The following IQCH variants were observed in gnomAD, a reference collection of about 807,000 sequenced individuals.
IQCH encodes IQ domain-containing protein H.
IQCH carries 98 observed loss-of-function variants against 117.0 expected under a neutral mutation model. The observed-to-expected ratio is 0.84, with a 90% confidence interval of 0.71 to 0.99. IQCH has a LOEUF of 0.99. Among genes scored for constraint, IQCH ranks in the 50% least tolerant of loss-of-function variants. IQCH has a pLI of 0.00. For synonymous variants in IQCH, 412 were observed against 448.2 expected (o/e 0.92, Z 1.02); for missense variants, 1,102 against 1,243.8 (o/e 0.89, Z 1.72).
chr15:67,346,509 C>T (rs1246916133), intron 6 of IQCH, among the ~76,000 whole-genome samples: 3 of 152,176 alleles, frequency 2.0e-5, no homozygotes, highest in African/African-American at 2.4e-5. Flanking sequence ...GTGCAGTTCA[C>T]AATAGGGTTC....
intron 1 of IQCH, among the ~76,000 whole-genome samples, chr15:67,256,536 T>C (rs935156148): frequency 1.3e-5 from 2 of 152,216 alleles, no homozygotes; most frequent in African/African-American, 4.8e-5. Flanking sequence ...AAGACACTTC[T>C]ATCAGGCAGG....
intron 4 of IQCH, among the ~76,000 whole-genome samples, chr15:67,326,361 T>A (rs191060400): frequency 6.6e-6 from 1 of 152,358 alleles, no homozygotes; most frequent in African/African-American, 2.4e-5. Context: ...TAATCCAGTC[T>A]ATCATTGATG....
In IQCH at chr15:67,447,722, C is replaced by T. The variant is rs541535784; in HGVS notation, c.2506-17405C>T. Among the ~76,000 whole-genome samples, 68 of 152,136 alleles carry T rather than the reference C, an allele frequency of 4.5e-4. No homozygotes were observed. Among genetic ancestry groups the T allele is most frequent in the Non-Finnish European group, 8.5e-4 (58 of 68,014 alleles). ...CTGAGCCACCGGCCCACTACCTGAG[C>T]AGCCCCTTCTCTTCTGGGTTTGACC... is the stretch of plus-strand genomic sequence containing the variant. On this transcript the variant is annotated intron_variant, in intron 16 of 20. Transcript: ENST00000335894. This position sits in a 1 kb window ranked among gnomAD's most constrained non-coding sequence, Gnocchi z 5.3.
At chr15:67,337,259 T>C (rs1262610150) in intron 5 of IQCH, among the ~76,000 whole-genome samples, 164 bp downstream of exon 5, 1 of 152,148 alleles carries the variant, frequency 6.6e-6, no homozygotes, top group Non-Finnish European at 1.5e-5. Flanking sequence ...GCTCTGTAAA[T>C]TAAAAGGTTG....
At chr15:67,487,323 ACT>A (rs1438340365) in intron 18 of IQCH, among the ~76,000 whole-genome samples, 5 of 151,776 alleles carry the variant, frequency 3.3e-5, no homozygotes, top group Admixed American at 6.6e-5. Flanking sequence ...ACCGAGTGAG[ACT>A]CTGTCTCAAA....
chr15:67,438,487 C>T (rs1044409446), intron 16 of IQCH, among the ~76,000 whole-genome samples: 2 of 152,122 alleles, frequency 1.3e-5, no homozygotes, highest in African/African-American at 2.4e-5. Context: ...AACAAAAATA[C>T]AAGTTAAAAA....
chr15:67,350,718 G>T (rs2140712163), intron 6 of IQCH, among the ~76,000 whole-genome samples: 1 of 152,296 alleles, frequency 6.6e-6, no homozygotes, highest in Non-Finnish European at 1.5e-5. Context: ...GAGCCACCGT[G>T]CCTAGCCTGG....
chr15:67,475,509 G>A lies in IQCH; in HGVS notation c.2677-187G>A, dbSNP rs1170368254. ...TAAAATAAAAATAAAAAGTAATGTA[G>A]CAATTTGTTCCCTTAGTTGTGACAA... On this transcript the variant is annotated intron_variant, in intron 17 of 20. Transcript: ENST00000335894. The surrounding 1 kb of genome is among the most constrained non-coding windows in gnomAD (Gnocchi z 5.7). Among the ~76,000 whole-genome samples, 2 of 152,092 alleles carry A rather than the reference G, an allele frequency of 1.3e-5. No homozygotes were observed. Among genetic ancestry groups the A allele is most frequent in the African/African-American group, 2.4e-5 (1 of 41,408 alleles).
In IQCH at chr15:67,261,284, C is replaced by T. The variant is rs1277548325; in HGVS notation, c.64C>T (p.Leu22Phe). ...GSILIQIHEDLYQLKEKLTKF... is the reference protein window; with the variant it reads ...GSILIQIHEDFYQLKEKLTKF... ...TTTATACCTATAGATCCATGAAGAC[C>T]TTTATCAGTTAAAGGAGAAATTAAC... Residue 22 changes from leucine to phenylalanine, a missense_variant, in exon 2 of 21, where the codon CTT (leucine) becomes TTT (phenylalanine). Transcript: ENST00000335894. 6.5e-7 allele frequency: 1 copy of T among 1,544,264 alleles called. No homozygotes were observed. The highest frequency in any genetic ancestry group is 1.2e-5 in the South Asian group (1 of 83,342).
intron 1 of IQCH, chr15:67,255,233 C>G: frequency 2.0e-6 from 1 of 505,422 alleles, no homozygotes; most frequent in Non-Finnish European, 3.6e-6. Context: ...TAACCTCACG[C>G]TGAGGCATCA....
In IQCH at chr15:67,495,416, T is replaced by C. The variant is rs148695330; in HGVS notation, c.2970+1050T>C. 3.2e-3 allele frequency among the ~76,000 whole-genome samples: 494 copies of C among 152,346 alleles called. 3 individuals are homozygous for C. The highest frequency in any genetic ancestry group is 5.0e-3 in the Non-Finnish European group (343 of 68,022). The stretch of plus-strand genomic sequence containing the variant: ...GGATATCTCACTGTCTTGCCTAGGC[T>C]GGTCTCAAGCTCCTGAGCTCAAGGG... On this transcript the variant is annotated intron_variant, in intron 20 of 20. Transcript: ENST00000335894.
Position 67,500,745 on chromosome 15 carries a change from G to T in IQCH, c.3083G>T (p.Ter1028LeuextTer15). Residue 1028 changes from the stop codon to leucine (L), a stop_lost, in exon 21 of 21, where the codon TGA becomes TTA. Transcript: ENST00000335894. The surrounding 1 kb of genome is among the most constrained non-coding windows in gnomAD (Gnocchi z 4.4). ...DDKNLSKPKK[*>L] is the part of the protein sequence containing the mutation. The stretch of plus-strand genomic sequence containing the variant: ...AAAAACCTCTCTAAACCCAAGAAAT[G>T]ATCCTGGAATACAGTACATAACAAT... 6.6e-7 allele frequency: 1 copy of T among 1,505,674 alleles called. No individual in the cohort carries two copies. The highest frequency in any genetic ancestry group is 1.8e-5 in the Admixed American group (1 of 55,564). 93.3% of individuals were successfully genotyped at this position (1,505,674 alleles called of 1,614,324 possible).
At chr15:67,358,601 G>T (rs958739473) in intron 7 of IQCH, among the ~76,000 whole-genome samples, 5 of 152,082 alleles carry the variant, frequency 3.3e-5, no homozygotes, top group African/African-American at 1.2e-4. Flanking sequence ...TGCTTTCTTA[G>T]GTTTATGGAC....
intron 13 of IQCH, among the ~76,000 whole-genome samples, chr15:67,397,256 A>G (rs1172245274): frequency 1.3e-5 from 2 of 152,250 alleles, no homozygotes; most frequent in Non-Finnish European, 2.9e-5. Flanking sequence ...AATCTTTGCT[A>G]TGAAATATTT....
intron 6 of IQCH, among the ~76,000 whole-genome samples, chr15:67,347,154 C>A (rs1201386513): frequency 7.0e-6 from 1 of 143,290 alleles, no homozygotes; most frequent in Non-Finnish European, 1.5e-5. Flanking sequence ...AAGCAAGCAG[C>A]AGATGGAAAT....
intron 15 of IQCH, among the ~76,000 whole-genome samples, chr15:67,418,016 A>G (rs551111586): frequency 3.9e-5 from 6 of 152,190 alleles, no homozygotes; most frequent in Non-Finnish European, 8.8e-5. Flanking sequence ...AAGTATATCT[A>G]TGTTAACTTT....
intron 4 of IQCH, among the ~76,000 whole-genome samples, chr15:67,287,346 A>G (rs1966601150): frequency 1.3e-5 from 2 of 152,088 alleles, no homozygotes; most frequent in South Asian, 4.1e-4. Flanking sequence ...TAGGATTGGT[A>G]TTAGTTCTTT....
At chr15:67,282,713 G>A (rs1439634402) in intron 4 of IQCH, among the ~76,000 whole-genome samples, 1 of 152,080 alleles carries the variant, frequency 6.6e-6, no homozygotes, top group African/African-American at 2.4e-5. Context: ...AAATCCAACT[G>A]GGATATTACT....
At chr15:67,471,033 A>G (rs576599368) in intron 17 of IQCH, among the ~76,000 whole-genome samples, 1 of 152,080 alleles carries the variant, frequency 6.6e-6, no homozygotes, top group Non-Finnish European at 1.5e-5. Context: ...CAGACACCTG[A>G]GCAGTATCAT....
Sources: gnomAD v4.1 joint callset for allele counts (sites outside exome capture counted in the v4.1 genomes callset) on GRCh38, gnomAD v4.1.1 for gene constraint, Gnocchi (gnomAD v3.1) non-coding constraint, MANE v1.5 for transcripts, NCBI Gene and HGNC (gene_info 2026-07-23, HGNC 2026-07-21) for gene names.